The following RNLS variants were observed in gnomAD, a reference collection of about 807,000 sequenced individuals.
The protein encoded by RNLS is renalase.
In RNLS, 39 loss-of-function variants were observed where a neutral mutation model predicts 39.8. That is an observed-to-expected ratio of 0.98 (90% CI 0.76 to 1.28). The LOEUF is 1.28. Among genes scored for constraint, RNLS ranks in the 50% most tolerant of loss-of-function variants. RNLS has a pLI of 0.00. For missense variants in RNLS, 410 were observed against 413.3 expected (o/e 0.99, Z 0.07); for synonymous variants, 147 against 150.7 (o/e 0.98, Z 0.18).
intron 5 of RNLS, among the ~76,000 whole-genome samples, chr10:88,315,232 GTC>G (rs1845672147): frequency 6.6e-6 from 1 of 152,108 alleles, no homozygotes; most frequent in Non-Finnish European, 1.5e-5. Flanking sequence ...ATAAAAGTCT[GTC>G]TCATTCAAAA....
Position 88,344,143 on chromosome 10 carries a change from T to G in RNLS, c.700+18409A>C, listed in dbSNP as rs189460968. The stretch of plus-strand genomic sequence containing the variant: ...TTTTCCCCTTGAGCCAGCATACTGG[T>G]TTGCCTCTAAGGATATCACTTTATC... On this transcript the variant is annotated intron_variant, in intron 5 of 6. Transcript: ENST00000331772. Among the ~76,000 whole-genome samples, 711 of 152,292 alleles carry G rather than the reference T, an allele frequency of 4.7e-3. 5 individuals carry two copies. Among genetic ancestry groups the G allele is most frequent in the Non-Finnish European group, 8.6e-3 (587 of 68,008 alleles).
intron 4 of RNLS, among the ~76,000 whole-genome samples, chr10:88,507,239 T>A (rs188928352): frequency 3.3e-5 from 5 of 152,148 alleles, no homozygotes; most frequent in African/African-American, 1.2e-4. Context: ...GAATGTCATC[T>A]GAGGGCACCT....
rs369666268 is a variant in RNLS, at chr10:88,319,155, C to T, written c.701-4514G>A. On this transcript the variant is annotated intron_variant, in intron 5 of 6. Transcript: ENST00000331772. The stretch of plus-strand genomic sequence containing the variant: ...ATCCGAGAAAGCCACCACACAAAAG[C>T]TACCCACAATGAAGGACCCATACAG... 3.3e-5 allele frequency among the ~76,000 whole-genome samples: 5 copies of T among 152,180 alleles called. 1 individual carries two copies. Among genetic ancestry groups the T allele is most frequent in the African/African-American group, 7.2e-5 (3 of 41,526 alleles).
intron 4 of RNLS, among the ~76,000 whole-genome samples, chr10:88,435,461 A>G (rs1855417694): frequency 6.6e-6 from 1 of 152,188 alleles, no homozygotes; most frequent in Non-Finnish European, 1.5e-5. Context: ...AAAAAAATAA[A>G]AAAAGACCAA....
chr10:88,328,350 T>C (rs1264712427), intron 5 of RNLS, among the ~76,000 whole-genome samples: 1 of 152,228 alleles, frequency 6.6e-6, no homozygotes, highest in Non-Finnish European at 1.5e-5. Context: ...AATTTCTGCT[T>C]TCAGTCTTGA....
At chr10:88,305,173 CA>C (rs1844828817) in intron 6 of RNLS, among the ~76,000 whole-genome samples, 1 of 152,152 alleles carries the variant, frequency 6.6e-6, no homozygotes, top group Non-Finnish European at 1.5e-5. Flanking sequence ...TCGTTACCAC[CA>C]GACCTGTCTT....
chr10:88,372,117 T>C (rs1382257251), intron 4 of RNLS, among the ~76,000 whole-genome samples: 1 of 152,098 alleles, frequency 6.6e-6, no homozygotes, highest in African/African-American at 2.4e-5. Flanking sequence ...GTTCTTCAGC[T>C]TCCGTGATTA....
At chr10:88,502,064 G>A (rs1228857229) in intron 4 of RNLS, among the ~76,000 whole-genome samples, 2 of 152,086 alleles carry the variant, frequency 1.3e-5, no homozygotes, top group African/African-American at 4.8e-5. Context: ...TTACTTGTAA[G>A]GGTGTCCTTG....
intron 5 of RNLS, among the ~76,000 whole-genome samples, chr10:88,349,204 T>C (rs1221779038): frequency 6.6e-6 from 1 of 152,148 alleles, no homozygotes; most frequent in East Asian, 1.9e-4. Context: ...TTCCATAAGA[T>C]GTATTTAAAG....
chr10:88,312,147 A>C (rs2133039084), intron 6 of RNLS, among the ~76,000 whole-genome samples: 1 of 152,372 alleles, frequency 6.6e-6, no homozygotes. Flanking sequence ...TTTAGGTTGC[A>C]GATGGATTAA....
chr10:88,533,411 GAAATGGAAACATAT>G (rs1327894525), intron 4 of RNLS, among the ~76,000 whole-genome samples: 1 of 152,100 alleles, frequency 6.6e-6, no homozygotes, highest in Non-Finnish European at 1.5e-5. Context: ...AAAAGATACA[GAAATGGAAACATAT>G]AGACATGTCA....
At chr10:88,488,065 T>C (rs528273423) in intron 4 of RNLS, among the ~76,000 whole-genome samples, 13 of 152,262 alleles carry the variant, frequency 8.5e-5, no homozygotes, top group African/African-American at 2.6e-4. Context: ...TACCTGAGGA[T>C]GCAAGGGCTG....
intron 4 of RNLS, among the ~76,000 whole-genome samples, chr10:88,376,406 T>TAAA (rs1276229988): frequency 1.3e-5 from 2 of 152,276 alleles, no homozygotes; most frequent in Admixed American, 1.3e-4. Flanking sequence ...ATGAAGCAAA[T>TAAA]AAAATATTTA....
chr10:88,290,492 A>G (rs186567566), intron 6 of RNLS, among the ~76,000 whole-genome samples: 1 of 152,316 alleles, frequency 6.6e-6, no homozygotes, highest in East Asian at 1.9e-4. Context: ...AAATTATGCC[A>G]CATTTCATTG....
the RNLS span, among the ~76,000 whole-genome samples, chr10:88,235,629 T>G: frequency 6.6e-6 from 1 of 152,224 alleles, no homozygotes; most frequent in Non-Finnish European, 1.5e-5. Context: ...ATTCAAAAAT[T>G]CTTCCATTGG....
chr10:88,522,815 CT>C (rs1374889776), intron 4 of RNLS, among the ~76,000 whole-genome samples: 3 of 152,144 alleles, frequency 2.0e-5, no homozygotes, highest in Non-Finnish European at 4.4e-5. Flanking sequence ...AAATAACAAT[CT>C]TCAAATATTT....
At chr10:88,303,214 G>A (rs1009261889) in intron 6 of RNLS, among the ~76,000 whole-genome samples, 1 of 152,222 alleles carries the variant, frequency 6.6e-6, no homozygotes, top group African/African-American at 2.4e-5. Context: ...AGAAGAGGTA[G>A]GGGCAGCAAG....
the RNLS span, among the ~76,000 whole-genome samples, chr10:88,258,630 C>T: frequency 6.6e-6 from 1 of 152,202 alleles, no homozygotes; most frequent in Non-Finnish European, 1.5e-5. Context: ...AACATTCCTT[C>T]TTCTCTTTTA....
the RNLS span, among the ~76,000 whole-genome samples, chr10:88,208,888 A>T: frequency 3.9e-5 from 6 of 152,076 alleles, no homozygotes; most frequent in Non-Finnish European, 5.9e-5. Context: ...GATGAGTGTC[A>T]TTTGGCAAGC....
Sources: gnomAD v4.1 joint callset for allele counts (sites outside exome capture counted in the v4.1 genomes callset) on GRCh38, gnomAD v4.1.1 for gene constraint, MANE v1.5 for transcripts, NCBI Gene and HGNC (gene_info 2026-07-23, HGNC 2026-07-21) for gene names.